The following RNF38 variants were observed in gnomAD, a reference collection of about 807,000 sequenced individuals.
RNF38 encodes E3 ubiquitin-protein ligase RNF38.
A neutral mutation model predicts 67.2 loss-of-function variants in RNF38; 15 were observed. The ratio of observed to expected loss-of-function variants is 0.22; its 90% CI spans 0.15 to 0.34. The LOEUF (loss-of-function observed/expected upper bound fraction) is 0.34, where lower values mean the gene tolerates loss of function less well. RNF38 is among the 10% of genes least tolerant of loss of function. The pLI, the probability that RNF38 is intolerant of heterozygous loss-of-function variation, is 1.00. For synonymous variants in RNF38, 220 were observed against 218.8 expected, an observed-to-expected ratio of 1.01 and a Z score of -0.05; for missense variants, 524 against 639.9, an observed-to-expected ratio of 0.82 and a Z score of 1.95.
intron 1 of RNF38, among the ~76,000 whole-genome samples, chr9:36,463,500 G>A (rs1839784697): frequency 6.6e-6 from 1 of 152,002 alleles, no homozygotes; most frequent in Non-Finnish European, 1.5e-5. Flanking sequence ...ATTCTGCTGG[G>A]TGTCTCCTTG....
At chr9:36,477,089 T>C (rs1840137702) in intron 1 of RNF38, among the ~76,000 whole-genome samples, 1 of 151,800 alleles carries the variant, frequency 6.6e-6, no homozygotes, top group Non-Finnish European at 1.5e-5. Flanking sequence ...TTTGGGGGGC[T>C]GAGGCAGGTG....
intron 1 of RNF38, among the ~76,000 whole-genome samples, chr9:36,477,164 A>C (rs1840139562): frequency 2.0e-5 from 3 of 151,810 alleles, no homozygotes; most frequent in South Asian, 4.2e-4. Context: ...TCTACTAAAA[A>C]TACAAAAAAA....
chr9:36,480,548 C>CTTTTTTT (rs3072687), intron 1 of RNF38, among the ~76,000 whole-genome samples: 1,407 of 100,636 alleles, frequency 0.014, no homozygotes, highest in Non-Finnish European at 0.018. Context: ...TTTTCTTTTT[C>CTTTTTTT]TTTTTTTTTT....
chr9:36,485,311 T>TATATATATATATATATATATATATAC (rs960400403), intron 1 of RNF38, among the ~76,000 whole-genome samples: 2 of 151,970 alleles, frequency 1.3e-5, no homozygotes, highest in African/African-American at 4.8e-5. Flanking sequence ...AGGGTATATA[T>TATATATATATATATATATATATATAC]ACACACACAC....
chr9:36,348,132 G>A (rs1232182265), intron 9 of RNF38, among the ~76,000 whole-genome samples: 1 of 152,014 alleles, frequency 6.6e-6, no homozygotes, highest in Non-Finnish European at 1.5e-5. Flanking sequence ...GCATGTCAAA[G>A]CGGAGACAGG....
exon 1 of RNF38, chr9:36,487,445 G>A: frequency 1.0e-6 from 1 of 980,754 alleles, no homozygotes; most frequent in Non-Finnish European, 1.2e-6. Context: ...GCGGCGCGGG[G>A]GCCCAAGCTC....
At chr9:36,345,067 T>C in intron 9 of RNF38, 114 bp from the exon 10 acceptor site, 3 of 1,097,848 alleles carry the variant, frequency 2.7e-6, no homozygotes, top group Non-Finnish European at 3.8e-6. Flanking sequence ...GTATAGCGGC[T>C]GTTCACAGGC....
intron 1 of RNF38, among the ~76,000 whole-genome samples, chr9:36,464,364 C>T (rs894451576): frequency 1.3e-5 from 2 of 151,384 alleles, no homozygotes; most frequent in African/African-American, 2.4e-5. Flanking sequence ...GTCAGGAGTT[C>T]GAGACCAGCC....
chr9:36,465,171 A>G (rs1839831167), intron 1 of RNF38, among the ~76,000 whole-genome samples: 1 of 152,210 alleles, frequency 6.6e-6, no homozygotes, highest in Non-Finnish European at 1.5e-5. Flanking sequence ...GGAATATAAA[A>G]TGGTGTAACA....
chr9:36,462,834 C>A (rs1044505410), intron 1 of RNF38, among the ~76,000 whole-genome samples: 1 of 152,048 alleles, frequency 6.6e-6, no homozygotes, highest in Non-Finnish European at 1.5e-5. Flanking sequence ...ACCACCACAC[C>A]TGGCTAATAT....
chr9:36,424,737 T>C lies in RNF38; in HGVS notation n.242-54A>G, dbSNP rs375050850. ...ATGCAGTAATTCCTTACATTTAAAC[T>C]GCTTTACCAATTAAAAGTGCTTTTA... is the stretch of plus-strand genomic sequence containing the variant. On this transcript the variant is annotated intron_variant and non_coding_transcript_variant, in intron 1 of 3. Coordinates refer to the RNF38 transcript ENST00000488058. 4.9e-4 allele frequency: 364 copies of C among 743,998 alleles called. 5 individuals carry two copies. In the South Asian group the frequency reaches 0.019, roughly 40 times the overall value. The allele number at this position is 743,998 out of a possible 1,614,324, so 46.1% of individuals were successfully genotyped here.
At chr9:36,413,089 C>T (rs1838368608) in intron 2 of RNF38, among the ~76,000 whole-genome samples, 1 of 151,426 alleles carries the variant, frequency 6.6e-6, no homozygotes, top group Non-Finnish European at 1.5e-5. Flanking sequence ...AAAAGCTGGG[C>T]GTGGTGGCAG....
chr9:36,392,885 C>T (rs1256674273), intron 1 of RNF38, among the ~76,000 whole-genome samples: 2 of 151,978 alleles, frequency 1.3e-5, no homozygotes, highest in African/African-American at 2.4e-5. Flanking sequence ...TATTTAAAGG[C>T]CATAAAACAG....
chr9:36,358,093 G>C (rs1468427807), intron 4 of RNF38, 151 bp from the exon 5 acceptor site: 1 of 630,758 alleles, frequency 1.6e-6, no homozygotes, highest in Non-Finnish European at 2.7e-6. Flanking sequence ...AATATTCATT[G>C]TCTTTGTAGG....
At chr9:36,474,932 G>A (rs1278204095) in intron 1 of RNF38, among the ~76,000 whole-genome samples, 2 of 146,952 alleles carry the variant, frequency 1.4e-5, no homozygotes, top group South Asian at 2.2e-4. Context: ...ACCTGAGGTC[G>A]GGAGTTCAAA....
chr9:36,440,314 T>C (rs1261101862), intron 1 of RNF38, among the ~76,000 whole-genome samples: 1 of 151,974 alleles, frequency 6.6e-6, no homozygotes, highest in African/African-American at 2.4e-5. Context: ...CTTTGGGAGA[T>C]GGGCGGATCA....
chr9:36,464,800 T>G (rs1839822113), intron 1 of RNF38, among the ~76,000 whole-genome samples: 1 of 152,136 alleles, frequency 6.6e-6, no homozygotes, highest in Non-Finnish European at 1.5e-5. Context: ...GTGGAACATT[T>G]TTAAAAATCA....
At chr9:36,396,707 G>A (rs1837534139) in intron 1 of RNF38, among the ~76,000 whole-genome samples, 1 of 151,828 alleles carries the variant, frequency 6.6e-6, no homozygotes, top group African/African-American at 2.4e-5. Context: ...TGACAGAAAT[G>A]TTCAAAATGT....
intron 3 of RNF38, among the ~76,000 whole-genome samples, chr9:36,375,421 G>T (rs1204716109): frequency 1.3e-5 from 2 of 152,090 alleles, no homozygotes; most frequent in Non-Finnish European, 2.9e-5. Context: ...CGAACTCCTG[G>T]CCTCAAGTGA....
Sources: allele counts gnomAD v4.1 joint callset (sites outside exome capture counted in the v4.1 genomes callset), GRCh38; gene constraint gnomAD v4.1.1; transcripts MANE v1.5; gene names NCBI Gene and HGNC (gene_info 2026-07-23, HGNC 2026-07-21).